The following GRM7 variants were observed in gnomAD, a reference collection of about 807,000 sequenced individuals.
The protein encoded by GRM7 is glutamate metabotropic receptor 7.
In GRM7, 35 loss-of-function variants were observed where a neutral mutation model predicts 84.5. The ratio of observed to expected loss-of-function variants is 0.41; its 90% CI spans 0.32 to 0.55. The LOEUF (loss-of-function observed/expected upper bound fraction) is 0.55. Among genes scored for constraint, GRM7 ranks in the 20% least tolerant of loss-of-function variants. The pLI, the probability that GRM7 is intolerant of heterozygous loss-of-function variation, is 0.19. For synonymous variants in GRM7, 487 were observed against 455.1 expected, an observed-to-expected ratio of 1.07 and a Z score of -0.89; for missense variants, 1,003 against 1,194.6, an observed-to-expected ratio of 0.84 and a Z score of 2.36.
chr3:6,885,391 G>A (rs1695652232), intron 1 of GRM7, among the ~76,000 whole-genome samples: 1 of 152,218 alleles, frequency 6.6e-6, no homozygotes, highest in African/African-American at 2.4e-5. Flanking sequence ...GATGAAGGTT[G>A]TAACTTCCGG....
At chr3:6,908,300 A>G (rs183504530) in intron 1 of GRM7, among the ~76,000 whole-genome samples, 4 of 152,260 alleles carry the variant, frequency 2.6e-5, no homozygotes, top group Middle Eastern at 3.4e-3. Flanking sequence ...AGTTATCTTC[A>G]CCTTTGAAAA....
chr3:7,106,643 G>T (rs1237650745), intron 1 of GRM7, among the ~76,000 whole-genome samples: 2 of 151,942 alleles, frequency 1.3e-5, no homozygotes, highest in African/African-American at 4.8e-5. Context: ...GACTAATTTG[G>T]CACTAGGTCC....
chr3:7,375,639 G>C (rs1035182355), intron 4 of GRM7, among the ~76,000 whole-genome samples: 2 of 151,944 alleles, frequency 1.3e-5, no homozygotes, highest in African/African-American at 4.8e-5. Flanking sequence ...TGCTGTTCCT[G>C]TGCCTGCACT....
chr3:6,949,960 A>AT (rs751038844), intron 1 of GRM7, among the ~76,000 whole-genome samples: 64 of 151,838 alleles, frequency 4.2e-4, no homozygotes, highest in Admixed American at 1.2e-3. Flanking sequence ...CATTCGTCTA[A>AT]TTTTTTTTCA....
intron 9 of GRM7, among the ~76,000 whole-genome samples, chr3:7,736,073 TG>T (rs1044475966): frequency 2.0e-5 from 3 of 152,186 alleles, no homozygotes; most frequent in African/African-American, 7.2e-5. Flanking sequence ...TCTTTTGTAA[TG>T]GTACAGGCAT....
At chr3:7,379,690 A>G (rs1227724836) in intron 4 of GRM7, among the ~76,000 whole-genome samples, 1 of 152,180 alleles carries the variant, frequency 6.6e-6, no homozygotes, top group Non-Finnish European at 1.5e-5. Flanking sequence ...AGGGGAAAAA[A>G]TATACCCTTA....
At position 7,645,451 on chromosome 3, in the gene GRM7, G is replaced by A. The variant is rs1698583656; in HGVS notation, c.2452-34598G>A. 2.0e-5 allele frequency among the ~76,000 whole-genome samples: 3 copies of A among 148,328 alleles called. No homozygotes were observed. The South Asian group carries it at 6.4e-4, about 31-fold the overall frequency. ...AATCCCAGCTACTCGGGAGGCTAAG[G>A]CATGAGAATCACTTGAACCCAGGAG... On this transcript the variant is annotated intron_variant, in intron 8 of 9. Transcript: ENST00000357716.
intron 1 of GRM7, among the ~76,000 whole-genome samples, chr3:7,072,191 A>C (rs1008458076): frequency 6.6e-6 from 1 of 152,076 alleles, no homozygotes; most frequent in African/African-American, 2.4e-5. Flanking sequence ...AATATGGTGT[A>C]GTTGTATAAT....
intron 2 of GRM7, among the ~76,000 whole-genome samples, chr3:7,198,278 C>T (rs547126149): frequency 9.2e-5 from 14 of 152,026 alleles, no homozygotes; most frequent in Admixed American, 2.6e-4. Flanking sequence ...CAAAAGAAGC[C>T]GTACACAAAG....
chr3:6,938,471 A>G (rs1047349274), intron 1 of GRM7, among the ~76,000 whole-genome samples: 9 of 152,186 alleles, frequency 5.9e-5, no homozygotes, highest in Non-Finnish European at 1.0e-4. Flanking sequence ...AAAATTGAGA[A>G]AGATGTGCTG....
chr3:7,054,725 C>A (rs1012503128), intron 1 of GRM7, among the ~76,000 whole-genome samples: 1 of 151,878 alleles, frequency 6.6e-6, no homozygotes. Flanking sequence ...TCTCATCTCT[C>A]TCTCTCTTTC....
chr3:7,438,077 C>T (rs2124864885), intron 5 of GRM7, among the ~76,000 whole-genome samples: 1 of 152,112 alleles, frequency 6.6e-6, no homozygotes, highest in East Asian at 1.9e-4. Context: ...TGCTGAGGTT[C>T]TGATTTCCAA....
chr3:7,084,136 A>T (rs1574879507), intron 1 of GRM7, among the ~76,000 whole-genome samples: 1 of 152,170 alleles, frequency 6.6e-6, no homozygotes, highest in Non-Finnish European at 1.5e-5. Context: ...AAAGCAAATC[A>T]TTTGGGCTAC....
chr3:7,339,770 G>A (rs1701568772), intron 4 of GRM7, among the ~76,000 whole-genome samples: 1 of 152,136 alleles, frequency 6.6e-6, no homozygotes, highest in African/African-American at 2.4e-5. Context: ...GGTGTTTGGA[G>A]GAATGAGCTT....
chr3:7,342,462 C>A (rs2125081011), intron 4 of GRM7, among the ~76,000 whole-genome samples: 1 of 152,264 alleles, frequency 6.6e-6, no homozygotes, highest in East Asian at 1.9e-4. Context: ...CTAGATTTGG[C>A]TTCAGAGTTC....
At chr3:7,387,067 C>A (rs930861743) in intron 4 of GRM7, among the ~76,000 whole-genome samples, 8 of 152,022 alleles carry the variant, frequency 5.3e-5, no homozygotes, top group Admixed American at 5.2e-4. Flanking sequence ...TTATGTCTTC[C>A]TTTGAGAAAC....
At chr3:7,557,548 G>T (rs1414766757) in intron 7 of GRM7, among the ~76,000 whole-genome samples, 3 of 152,022 alleles carry the variant, frequency 2.0e-5, no homozygotes, top group Non-Finnish European at 2.9e-5. Context: ...GATTTTCAGG[G>T]TTTATCCTTC....
At chr3:7,475,050 G>A (rs2124928924) in intron 7 of GRM7, among the ~76,000 whole-genome samples, 1 of 152,320 alleles carries the variant, frequency 6.6e-6, no homozygotes, top group East Asian at 1.9e-4. Context: ...CAACTATTCA[G>A]TTGTAGGGGC....
At chr3:7,107,213 A>G (rs1401575215) in intron 1 of GRM7, among the ~76,000 whole-genome samples, 1 of 151,982 alleles carries the variant, frequency 6.6e-6, no homozygotes, top group African/African-American at 2.4e-5. Context: ...GGAGAGCAAA[A>G]CAGACACGCA....
Sources: gnomAD v4.1 joint callset for allele counts (sites outside exome capture counted in the v4.1 genomes callset) on GRCh38, gnomAD v4.1.1 for gene constraint, MANE v1.5 for transcripts, NCBI Gene and HGNC (gene_info 2026-07-23, HGNC 2026-07-21) for gene names.